The following KLF13 variants were observed in gnomAD, a reference collection of about 807,000 sequenced individuals.
KLF13 encodes the protein Krueppel-like factor 13.
Under a neutral mutation model 16.7 loss-of-function variants are expected in KLF13, and 8 were observed. The observed-to-expected ratio is 0.48, with a 90% CI of 0.28 to 0.87. KLF13 has a LOEUF of 0.87. KLF13 is among the 40% of genes least tolerant of loss of function. The pLI, the probability that KLF13 is intolerant of heterozygous loss-of-function variation, is 0.10. For synonymous variants in KLF13, 245 were observed against 208.4 expected, an observed-to-expected ratio of 1.18 and a Z score of -1.51; for missense variants, 447 against 452.2, an observed-to-expected ratio of 0.99 and a Z score of 0.10.
chr15:31,403,678 G>A (rs2040072782), exon 3 of KLF13: 1 of 152,200 alleles, frequency 6.6e-6, no homozygotes. Context: ...CTGGATAGAT[G>A]GAGCCCGAGT....
intron 1 of KLF13, among the ~76,000 whole-genome samples, chr15:31,416,972 C>T (rs1004792115): frequency 6.6e-6 from 1 of 151,978 alleles, no homozygotes; most frequent in Non-Finnish European, 1.5e-5. Context: ...AGTGCTCTGC[C>T]CTAATACATG....
At chr15:31,343,042 T>C (rs1236244393) in intron 1 of KLF13, among the ~76,000 whole-genome samples, 1 of 152,234 alleles carries the variant, frequency 6.6e-6, no homozygotes, top group Non-Finnish European at 1.5e-5. Context: ...CCATGGAGTT[T>C]CCGCATCCCC....
intron 1 of KLF13, among the ~76,000 whole-genome samples, chr15:31,330,122 C>T (rs1772834750): frequency 6.6e-6 from 1 of 152,156 alleles, no homozygotes; most frequent in Non-Finnish European, 1.5e-5. Context: ...AGAAGAGGAG[C>T]TTGCTGTTGG....
chr15:31,343,438 G>T lies in KLF13; in HGVS notation c.577+15649G>T, dbSNP rs532798030. 3.3e-5 allele frequency among the ~76,000 whole-genome samples: 5 copies of T among 152,296 alleles called. No homozygotes were observed. In the East Asian group the frequency reaches 9.7e-4, roughly 29 times the overall value. On this transcript the variant is annotated intron_variant, in intron 1 of 1. Coordinates refer to ENST00000307145, the MANE Select transcript of KLF13 (RefSeq NM_015995.4). ...TCTGCACACCTCCCACCAGGTGTCG[G>T]CCCCCAGCAGTGGGAAGGAGACCAG...
chr15:31,344,886 A>G (rs2039086949), intron 1 of KLF13, among the ~76,000 whole-genome samples: 1 of 151,940 alleles, frequency 6.6e-6, no homozygotes, highest in Non-Finnish European at 1.5e-5. Context: ...CTGAGTGGGG[A>G]GGGAGGGGCC....
intron 1 of KLF13, among the ~76,000 whole-genome samples, chr15:31,365,940 G>A (rs894884425): frequency 2.1e-5 from 3 of 146,044 alleles, no homozygotes; most frequent in African/African-American, 7.7e-5. Context: ...TGGGCCTGCG[G>A]CTTGGGCAAG....
chr15:31,343,196 G>A (rs2039058423), intron 1 of KLF13, among the ~76,000 whole-genome samples: 1 of 152,238 alleles, frequency 6.6e-6, no homozygotes, highest in Non-Finnish European at 1.5e-5. Flanking sequence ...GCTGGGGACT[G>A]TCTTGCACCC....
In KLF13 at chr15:31,341,501, CT is replaced by C. The variant is rs35489650; in HGVS notation, c.577+13727del. ...AACAGACACATAGACAATTCAGAAT[CT>C]TTTTTTTTTTTTTTGAGGCTGGGAC... is the stretch of plus-strand genomic sequence containing the variant. On this transcript the variant is annotated intron_variant, in intron 1 of 1. Coordinates refer to ENST00000307145, the MANE Select transcript of KLF13 (RefSeq NM_015995.4). Among the ~76,000 whole-genome samples, 659 of 116,892 alleles carry C rather than the reference CT, an allele frequency of 5.6e-3. 1 individual carries two copies. The highest frequency in any genetic ancestry group is 0.01 in the African/African-American group (322 of 31,866). 76.7% of individuals were successfully genotyped at this position (116,892 alleles called of 152,430 possible). A position where few individuals can be genotyped will look rare whatever the true frequency, so the allele number is the denominator to read the frequency against.
At chr15:31,405,829 C>G (rs1295135911), downstream of KLF13, among the ~76,000 whole-genome samples, 1 of 152,056 alleles carries the variant, frequency 6.6e-6, no homozygotes. Flanking sequence ...ACATGATAGG[C>G]AAACAAGGAA....
chr15:31,359,919 C>G (rs1388161236), intron 1 of KLF13, among the ~76,000 whole-genome samples: 2 of 152,212 alleles, frequency 1.3e-5, no homozygotes. Context: ...GAGCCCTCCA[C>G]CCCGCATGTT....
At chr15:31,391,531 G>C (rs1595493315), upstream of KLF13, among the ~76,000 whole-genome samples, 3 of 152,212 alleles carry the variant, frequency 2.0e-5, no homozygotes, top group East Asian at 5.8e-4. Flanking sequence ...CCCAAGACAA[G>C]GGTCAGCTCG....
intron 1 of KLF13, among the ~76,000 whole-genome samples, chr15:31,334,418 T>TC (rs992621666): frequency 1.4e-4 from 22 of 152,108 alleles, no homozygotes; most frequent in South Asian, 6.2e-4. Flanking sequence ...AACCTGTTTT[T>TC]CTTTTCTTTC....
At chr15:31,384,813 C>T (rs1229479127) in intron 1 of KLF13, among the ~76,000 whole-genome samples, 3 of 152,164 alleles carry the variant, frequency 2.0e-5, no homozygotes, top group Non-Finnish European at 4.4e-5. Flanking sequence ...AACCATGCTG[C>T]ACCACAAAAG....
chr15:31,397,333 A>G (rs982091040), intron 2 of KLF13, among the ~76,000 whole-genome samples: 1 of 152,204 alleles, frequency 6.6e-6, no homozygotes, highest in African/African-American at 2.4e-5. Context: ...GCGCCAGCAT[A>G]ATTACCGGGA....
chr15:31,383,649 C>T (rs79622589), intron 1 of KLF13, among the ~76,000 whole-genome samples: 25,075 of 151,276 alleles, frequency 0.17, 2,304 homozygotes, highest in East Asian at 0.26. Context: ...GCCTATAATC[C>T]CAGCACTTTG....
downstream of KLF13, among the ~76,000 whole-genome samples, chr15:31,405,341 A>G (rs544332124): frequency 2.6e-5 from 4 of 152,190 alleles, no homozygotes; most frequent in Non-Finnish European, 5.9e-5. Context: ...AAAAAAGAAA[A>G]GAGCTTGGAG....
chr15:31,366,484 T>A (rs1187418874), intron 1 of KLF13: 2 of 152,272 alleles, frequency 1.3e-5, no homozygotes, highest in Non-Finnish European at 2.9e-5. Context: ...GGCTAGGAGC[T>A]CCTCTGCAGG....
At chr15:31,415,328 T>C (rs1300150155) in intron 1 of KLF13, among the ~76,000 whole-genome samples, 4 of 152,216 alleles carry the variant, frequency 2.6e-5, no homozygotes, top group African/African-American at 9.7e-5. Flanking sequence ...CACTGAATTA[T>C]GACAAAATGC....
intron 1 of KLF13, among the ~76,000 whole-genome samples, chr15:31,424,964 T>A (rs2040384040): frequency 6.7e-6 from 1 of 149,050 alleles, no homozygotes; most frequent in Non-Finnish European, 1.5e-5. Context: ...AATCAACACA[T>A]GAAATTAGTT....
Sources: allele counts gnomAD v4.1 joint callset (sites outside exome capture counted in the v4.1 genomes callset), GRCh38; gene constraint gnomAD v4.1.1; transcripts MANE v1.5; gene names NCBI Gene and HGNC (gene_info 2026-07-23, HGNC 2026-07-21).